PARPBP: variants seen among roughly 807,000 people sequenced by gnomAD.
PARPBP encodes PCNA-interacting partner.
A neutral mutation model predicts 50.0 loss-of-function variants in PARPBP; 52 were observed. The ratio of observed to expected loss-of-function variants is 1.04; its 90% confidence interval spans 0.83 to 1.31. The LOEUF (loss-of-function observed/expected upper bound fraction) is 1.31. Among genes scored for constraint, PARPBP ranks in the 50% most tolerant of loss-of-function variants. The pLI, the probability that PARPBP is intolerant of heterozygous loss-of-function variation, is 0.00. For missense variants in PARPBP, 697 were observed against 672.0 expected (o/e 1.04, Z -0.41); for synonymous variants, 244 against 232.1 (o/e 1.05, Z -0.47).
chr12:102,193,492 C>T (rs370978766), intron 9 of PARPBP, among the ~76,000 whole-genome samples: 10 of 151,990 alleles, frequency 6.6e-5, no homozygotes, highest in South Asian at 2.1e-4. Context: ...TATTTGCCTG[C>T]GTGGTCTTAC....
rs150225186 is a variant in PARPBP, at chr12:102,169,840, C to G, written c.821+3957C>G. 5.9e-3 allele frequency among the ~76,000 whole-genome samples: 902 copies of G among 152,296 alleles called. 3 individuals carry two copies. The highest frequency in any genetic ancestry group is 9.7e-3 in the Admixed American group (148 of 15,294). On this transcript the variant is annotated intron_variant, in intron 6 of 10. Coordinates refer to ENST00000327680, the MANE Select transcript of PARPBP (RefSeq NM_017915.5). ...TATGATACACAAAACTGTCTATGCTCTAACTCCTGCCCATCTCTCACTCTG... is the reference window on the plus strand; with the variant it reads ...TATGATACACAAAACTGTCTATGCTGTAACTCCTGCCCATCTCTCACTCTG...
chr12:102,169,513 C>T (rs1888476966), intron 6 of PARPBP, among the ~76,000 whole-genome samples: 1 of 152,168 alleles, frequency 6.6e-6, no homozygotes, highest in Non-Finnish European at 1.5e-5. Context: ...ATCCTAAATA[C>T]ATTCACTCAC....
intron 2 of PARPBP, among the ~76,000 whole-genome samples, chr12:102,138,787 C>T (rs1884081005): frequency 6.6e-6 from 1 of 152,156 alleles, no homozygotes; most frequent in African/African-American, 2.4e-5. Flanking sequence ...TGTCAAAGAT[C>T]AGATGGTTGT....
intron 9 of PARPBP, among the ~76,000 whole-genome samples, chr12:102,194,545 A>G (rs953224089): frequency 6.6e-6 from 1 of 151,926 alleles, no homozygotes; most frequent in Non-Finnish European, 1.5e-5. Flanking sequence ...CAAATTTCCA[A>G]AACTACTTTT....
intron 7 of PARPBP, among the ~76,000 whole-genome samples, chr12:102,176,253 A>T (rs1889270677): frequency 1.3e-5 from 2 of 152,174 alleles, no homozygotes. Context: ...AAGTGCTGGG[A>T]TTACAGGCAT....
At chr12:102,126,290 C>G (rs1881979878) in intron 2 of PARPBP, among the ~76,000 whole-genome samples, 1 of 152,176 alleles carries the variant, frequency 6.6e-6, no homozygotes, top group Non-Finnish European at 1.5e-5. Context: ...GAAACAAACA[C>G]AAGCCCCACC....
chr12:102,187,395 A>G (rs1054658572), intron 9 of PARPBP, among the ~76,000 whole-genome samples: 3 of 152,142 alleles, frequency 2.0e-5, no homozygotes, highest in Admixed American at 6.6e-5. Flanking sequence ...AGAAGTGGCA[A>G]TGGAAGAGGA....
chr12:102,126,970 T>C (rs1022962119), intron 2 of PARPBP, among the ~76,000 whole-genome samples: 1 of 152,220 alleles, frequency 6.6e-6, no homozygotes, highest in Admixed American at 6.5e-5. Flanking sequence ...ATCTTTAGAC[T>C]GAAGTTCTTT....
intron 9 of PARPBP, among the ~76,000 whole-genome samples, chr12:102,186,874 GT>G (rs1890349523): frequency 6.6e-6 from 1 of 151,926 alleles, no homozygotes; most frequent in African/African-American, 2.4e-5. Flanking sequence ...GACAGTGAAA[GT>G]CAGGACTTGG....
At chr12:102,172,789 A>G (rs1473357668) in intron 6 of PARPBP, among the ~76,000 whole-genome samples, 1 of 152,232 alleles carries the variant, frequency 6.6e-6, no homozygotes, top group East Asian at 1.9e-4. Flanking sequence ...GCACTAAGAC[A>G]GTCCCAGATT....
At chr12:102,170,221 A>C (rs1038365391) in intron 6 of PARPBP, among the ~76,000 whole-genome samples, 1 of 152,232 alleles carries the variant, frequency 6.6e-6, no homozygotes, top group Non-Finnish European at 1.5e-5. Flanking sequence ...AAAATTCTGT[A>C]TTTCACATTT....
chr12:102,185,894 TC>T (rs1890254729), intron 9 of PARPBP, among the ~76,000 whole-genome samples: 1 of 152,152 alleles, frequency 6.6e-6, no homozygotes, highest in East Asian at 1.9e-4. Context: ...CCTCAAATGA[TC>T]CACCTGCCTC....
At chr12:102,193,260 A>T (rs1438195939) in intron 9 of PARPBP, among the ~76,000 whole-genome samples, 1 of 151,946 alleles carries the variant, frequency 6.6e-6, no homozygotes, top group African/African-American at 2.4e-5. Flanking sequence ...GTAACAAAAC[A>T]TTCTAAAGAA....
At chr12:102,130,340 A>G (rs184373132) in intron 2 of PARPBP, among the ~76,000 whole-genome samples, 1 of 152,194 alleles carries the variant, frequency 6.6e-6, no homozygotes, top group African/African-American at 2.4e-5. Context: ...CAACGATTTC[A>G]TGATGAAGAT....
chr12:102,122,547 G>T (rs1053205227), intron 1 of PARPBP, among the ~76,000 whole-genome samples: 1 of 152,184 alleles, frequency 6.6e-6, no homozygotes, highest in Non-Finnish European at 1.5e-5. Context: ...GTTGAGACTT[G>T]AGTACTTAAA....
In PARPBP at chr12:102,178,694, A is replaced by G. The variant is rs1889535457; in HGVS notation, c.1108A>G (p.Lys370Glu). Residue 370 changes from lysine (K) to glutamate (E), a missense_variant, in exon 8 of 11, where the codon AAA becomes GAA. Lys to Glu is a moderately conservative substitution (Grantham distance 56). Coordinates refer to ENST00000327680, the MANE Select transcript of PARPBP (RefSeq NM_017915.5). ...LDEEAANAPTKNKAELLYDEE... is the reference protein window; with the variant it reads ...LDEEAANAPTENKAELLYDEE... ...CGAAGAAGCAGCTAATGCTCCTACC[A>G]AAAACAAAGCAGAGCTTTTATATGA... The G allele has an allele frequency of 6.2e-7, 1 of 1,613,162 alleles. No individual in the cohort carries two copies.
At chr12:102,138,292 A>G (rs1020566916) in intron 2 of PARPBP, among the ~76,000 whole-genome samples, 1 of 152,214 alleles carries the variant, frequency 6.6e-6, no homozygotes, top group Non-Finnish European at 1.5e-5. Flanking sequence ...TTTTGGGTGC[A>G]TAAATATCTT....
chr12:102,140,397 G>A (rs909041334), intron 2 of PARPBP, among the ~76,000 whole-genome samples: 2 of 151,994 alleles, frequency 1.3e-5, no homozygotes, highest in African/African-American at 2.4e-5. Context: ...AGTCTTACTA[G>A]TGGTCCATCA....
chr12:102,128,689 A>G (rs1055025178), intron 2 of PARPBP, among the ~76,000 whole-genome samples: 2 of 152,208 alleles, frequency 1.3e-5, no homozygotes, highest in South Asian at 2.1e-4. Context: ...ATAGCATTCC[A>G]TTGTGTATAT....
Sources: gnomAD v4.1 joint callset for allele counts (sites outside exome capture counted in the v4.1 genomes callset) on GRCh38, gnomAD v4.1.1 for gene constraint, MANE v1.5 for transcripts, NCBI Gene and HGNC (gene_info 2026-07-23, HGNC 2026-07-21) for gene names.